ACVR1C: variants seen among roughly 807,000 people sequenced by gnomAD.
ACVR1C encodes activin receptor type-1C.
ACVR1C carries 23 observed loss-of-function variants against 57.9 expected under a neutral mutation model. The ratio of observed to expected loss-of-function variants is 0.40; its 90% CI spans 0.29 to 0.56. ACVR1C has a LOEUF of 0.56. ACVR1C is among the 20% of genes least tolerant of loss of function. The probability of loss-of-function intolerance (pLI) is 0.50; values close to 1 mark genes in which losing one functional copy is unlikely to be tolerated. For synonymous variants in ACVR1C, 214 were observed against 215.3 expected (o/e 0.99, Z 0.05); for missense variants, 480 against 607.9 (o/e 0.79, Z 2.21).
chr2:157,628,200 G>C lies in ACVR1C; in HGVS notation c.73+372C>G, dbSNP rs1682946618. 2.0e-5 allele frequency among the ~76,000 whole-genome samples: 3 copies of C among 152,120 alleles called. No individual in the cohort carries two copies. In the South Asian group the frequency reaches 6.2e-4, roughly 32 times the overall value. ...TCCGACGCATACCTGCAGCCCTCCA[G>C]GTCCCTGCAGGGTGAACCCAGCTCC... is the stretch of plus-strand genomic sequence containing the variant. On this transcript the variant is annotated intron_variant, in intron 1 of 8. Coordinates refer to ENST00000243349, the MANE Select transcript of ACVR1C (RefSeq NM_145259.3).
At chr2:157,600,456 T>A (rs757701466) in intron 1 of ACVR1C, among the ~76,000 whole-genome samples, 2 of 152,136 alleles carry the variant, frequency 1.3e-5, no homozygotes, top group Non-Finnish European at 2.9e-5. Flanking sequence ...AATAAACAAT[T>A]AATAGTCATA....
intron 1 of ACVR1C, among the ~76,000 whole-genome samples, chr2:157,625,598 G>GGGGGTGCAGA (rs1682876820): frequency 1.3e-5 from 2 of 151,526 alleles, no homozygotes; most frequent in Non-Finnish European, 2.9e-5. Context: ...GTGGGGGTGA[G>GGGGGTGCAGA]GGGGTGCAGA....
At chr2:157,576,693 T>C (rs185387887) in intron 2 of ACVR1C, among the ~76,000 whole-genome samples, 1 of 152,250 alleles carries the variant, frequency 6.6e-6, no homozygotes, top group East Asian at 1.9e-4. Flanking sequence ...TTCTATACTG[T>C]TTTTGTTTGG....
intron 3 of ACVR1C, among the ~76,000 whole-genome samples, chr2:157,555,525 C>G (rs1334106982): frequency 1.3e-5 from 2 of 152,234 alleles, no homozygotes; most frequent in Non-Finnish European, 2.9e-5. Context: ...CTGCACTGCT[C>G]TCTTTAATCT....
intron 1 of ACVR1C, among the ~76,000 whole-genome samples, chr2:157,592,963 C>T (rs1689079824): frequency 6.6e-6 from 1 of 152,028 alleles, no homozygotes; most frequent in African/African-American, 2.4e-5. Context: ...AAACAATTAC[C>T]CATAATAAGG....
intron 2 of ACVR1C, among the ~76,000 whole-genome samples, chr2:157,575,289 T>C (rs1168137372): frequency 6.6e-6 from 1 of 152,158 alleles, no homozygotes; most frequent in Admixed American, 6.5e-5. Context: ...TGTGCCACCA[T>C]GCCCAGCTAA....
At chr2:157,624,135 TA>T (rs1353064481) in intron 1 of ACVR1C, among the ~76,000 whole-genome samples, 17 of 152,220 alleles carry the variant, frequency 1.1e-4, no homozygotes, top group Non-Finnish European at 2.2e-4. Flanking sequence ...AAGATAACAT[TA>T]ATCATTTGGT....
At chr2:157,573,011 A>T (rs1688559401) in intron 2 of ACVR1C, among the ~76,000 whole-genome samples, 1 of 152,226 alleles carries the variant, frequency 6.6e-6, no homozygotes, top group Admixed American at 6.5e-5. Context: ...ACCAGAAGAA[A>T]GTTAAGAAAC....
Position 157,538,579 on chromosome 2 carries a change from A to G in ACVR1C, c.1350T>C (p.Ser450=), listed in dbSNP as rs372313061. The G allele has an allele frequency of 4.2e-5, 65 of 1,560,074 alleles. 3 individuals carry two copies. The Admixed American group carries it at 5.3e-4, about 13-fold the overall frequency. The stretch of plus-strand genomic sequence containing the variant: ...GATAAAAACATGGCCTTACTTCACA[A>G]CTTTGCCACTGGTTTGGGATACTTG... The part of the protein sequence containing the change: ...FRPSIPNQWQ[S]CEALRVMGRI... The change falls in exon 8 of 9, where the codon AGT becomes AGC. Residue 450 remains serine (S), a synonymous_variant. Coordinates refer to ENST00000243349, the MANE Select transcript of ACVR1C (RefSeq NM_145259.3).
chr2:157,621,554 G>A lies in ACVR1C; in HGVS notation c.73+7018C>T, dbSNP rs1413429329. ...TTTCAAAGAACAAGAAAAACAAGGG[G>A]CTCATGGTCATGGCTATGTCTTCCT... On this transcript the variant is annotated intron_variant, in intron 1 of 8. Transcript: ENST00000243349. Among the ~76,000 whole-genome samples the A allele has an allele frequency of 5.3e-5, 8 of 152,172 alleles. No individual in the cohort carries two copies. In the East Asian group the frequency reaches 1.5e-3, roughly 29 times the overall value.
chr2:157,615,253 G>A (rs1391695204), intron 1 of ACVR1C, among the ~76,000 whole-genome samples: 1 of 151,564 alleles, frequency 6.6e-6, no homozygotes, highest in Non-Finnish European at 1.5e-5. Context: ...GATCACTTGA[G>A]GCCAGGAGTT....
rs1179535079 is a variant in ACVR1C, at chr2:157,554,255, GA to G, written c.544+1837del. ...AGAAAGAAAGAAAGAAAGAAAGAAA[GA>G]AAGAAAGAAAGAAAGGAAGGAAGGA... On this transcript the variant is annotated intron_variant, in intron 3 of 8. Transcript: ENST00000243349. Among the ~76,000 whole-genome samples the G allele has an allele frequency of 9.7e-5, 12 of 123,768 alleles. 1 individual carries two copies. Among genetic ancestry groups the G allele is most frequent in the African/African-American group, 4.3e-4 (12 of 28,048 alleles). The allele number at this position is 123,768 out of a possible 152,430, so 81.2% of individuals were successfully genotyped here. A position where few individuals can be genotyped will look rare whatever the true frequency, so the allele number is the denominator to read the frequency against.
At chr2:157,554,978 T>A (rs909828230) in intron 3 of ACVR1C, among the ~76,000 whole-genome samples, 1 of 150,572 alleles carries the variant, frequency 6.6e-6, no homozygotes, top group Non-Finnish European at 1.5e-5. Context: ...GTCCCCCCAC[T>A]CCGCCAACCT....
rs143949837 is a variant in ACVR1C at position 157,527,794 on chromosome 2, G to A, written c.*6124C>T. On this transcript the variant is annotated 3_prime_UTR_variant, in exon 9 of 9. Transcript: ENST00000243349. ...GGAAGAAATAGAAATATTAGTAAATGTCATTCTACGCTTGCATTTGTTAGA... is the reference window on the plus strand; with the variant it reads ...GGAAGAAATAGAAATATTAGTAAATATCATTCTACGCTTGCATTTGTTAGA... The A allele has an allele frequency of 7.1e-4, 108 of 152,284 alleles. No homozygotes were observed. The highest frequency in any genetic ancestry group is 2.1e-3 in the African/African-American group (88 of 41,562). 9.4% of individuals were successfully genotyped at this position (152,284 alleles called of 1,614,324 possible). A position where few individuals can be genotyped will look rare whatever the true frequency, so the allele number is the denominator to read the frequency against.
Position 157,556,108 on chromosome 2 carries a change from A to G in ACVR1C, c.529T>C (p.Ser177Pro). The G allele has an allele frequency of 6.2e-7, 1 of 1,614,122 alleles. No individual in the cohort carries two copies. Among genetic ancestry groups the G allele is most frequent in the East Asian group, 2.2e-5 (1 of 44,892 alleles). ...LKDLIYDVTA[S>P]GSGSGLPLLV... ...GGTAACATACCAGAGCCAGATCCAG[A>G]GGCGGTCACATCATAAATCAGATCT... Residue 177 changes from serine (S) to proline (P), a missense_variant, in exon 3 of 9, where the codon TCT becomes CCT. Physicochemically the swap from Ser to Pro is moderately conservative, Grantham distance 74 (BLOSUM62 -1). Transcript: ENST00000243349.
chr2:157,572,896 C>T (rs1478033540), intron 2 of ACVR1C, among the ~76,000 whole-genome samples: 4 of 152,036 alleles, frequency 2.6e-5, no homozygotes, highest in Admixed American at 6.6e-5. Flanking sequence ...TGGATTTGTT[C>T]GTGTGATGGC....
intron 1 of ACVR1C, among the ~76,000 whole-genome samples, chr2:157,621,506 C>T (rs768410171): frequency 3.9e-5 from 6 of 152,132 alleles, no homozygotes; most frequent in African/African-American, 9.7e-5. Context: ...AACCAAGTGG[C>T]CCACATGCTT....
At chr2:157,564,130 C>G (rs1688304604) in intron 2 of ACVR1C, among the ~76,000 whole-genome samples, 1 of 152,174 alleles carries the variant, frequency 6.6e-6, no homozygotes, top group Non-Finnish European at 1.5e-5. Context: ...TCTAATTAAA[C>G]TAAGAGCTTC....
intron 1 of ACVR1C, among the ~76,000 whole-genome samples, chr2:157,607,953 T>C (rs966795511): frequency 6.6e-6 from 1 of 151,772 alleles, no homozygotes; most frequent in Non-Finnish European, 1.5e-5. Context: ...TATTTCTCAT[T>C]TCCAATTTGA....
Sources: gnomAD v4.1 joint callset for allele counts (sites outside exome capture counted in the v4.1 genomes callset) on GRCh38, gnomAD v4.1.1 for gene constraint, MANE v1.5 for transcripts, NCBI Gene and HGNC (gene_info 2026-07-23, HGNC 2026-07-21) for gene names.